Variants in FANCD2OS observed in about 807,000 individuals in gnomAD.
FANCD2OS encodes FANCD2 opposite strand protein.
A neutral mutation model predicts 13.2 loss-of-function variants in FANCD2OS; 11 were observed. The observed-to-expected ratio is 0.83, with a 90% CI of 0.52 to 1.38. The LOEUF (loss-of-function observed/expected upper bound fraction) is 1.38, where lower values mean the gene tolerates loss of function less well. Ranked by LOEUF, FANCD2OS falls within the 40% of genes most tolerant of loss-of-function variation. The probability of loss-of-function intolerance (pLI) is 0.00; values close to 1 mark genes in which losing one functional copy is unlikely to be tolerated. For missense variants in FANCD2OS, 217 were observed against 213.9 expected, an observed-to-expected ratio of 1.01 and a Z score of -0.09; for synonymous variants, 69 against 84.5, an observed-to-expected ratio of 0.82 and a Z score of 1.01.
chr3:10,101,752 C>G (rs1384944911), downstream of FANCD2OS: 1 of 214,884 alleles, frequency 4.7e-6, no homozygotes, highest in Admixed American at 5.2e-5. Context: ...CCATCACAGT[C>G]CCTGGCTCAG....
intron 2 of FANCD2OS, among the ~76,000 whole-genome samples, chr3:10,082,888 A>C (rs1415905057): frequency 1.3e-5 from 2 of 152,146 alleles, no homozygotes; most frequent in Non-Finnish European, 2.9e-5. Flanking sequence ...GTGCCTGACA[A>C]AAACTTTGAA....
downstream of FANCD2OS, chr3:10,101,358 A>G: frequency 3.2e-6 from 2 of 620,654 alleles, no homozygotes; most frequent in South Asian, 3.1e-5. Context: ...TCTTACTGGT[A>G]GGATCCTTTT....
intron 1 of FANCD2OS, among the ~76,000 whole-genome samples, chr3:10,106,361 T>A (rs946550585): frequency 2.0e-5 from 3 of 152,208 alleles, no homozygotes; most frequent in African/African-American, 7.2e-5. Flanking sequence ...AAAATTAGAA[T>A]TTTCCATCAT....
rs756943998 is a variant in FANCD2OS, at chr3:10,104,689, G to C, written c.86C>G (p.Ser29Cys). The change falls in exon 2 of 2, where the codon TCC becomes TGC. Residue 29 changes from serine (S) to cysteine (C), a missense_variant. Transcript: ENST00000450660. ...GGGGGAGGCCTTGAATGGGTGCTTG[G>C]AGGAAGGTGTAGGTGTCGTGTGCCG... is the stretch of plus-strand genomic sequence containing the variant. ...WLRHTTPTPSSKHPFKASPCF... is the reference protein window; with the variant it reads ...WLRHTTPTPSCKHPFKASPCF... The C allele has an allele frequency of 6.2e-7, 1 of 1,614,050 alleles. No individual in the cohort carries two copies. The highest frequency in any genetic ancestry group is 8.5e-7 in the Non-Finnish European group (1 of 1,179,970).
intron 2 of FANCD2OS, chr3:10,092,400 C>G (rs1241741125): frequency 1.4e-6 from 1 of 740,478 alleles, no homozygotes; most frequent in Non-Finnish European, 2.4e-6. Context: ...GTCCCCCTAC[C>G]CATCCTGGAT....
At chr3:10,099,244 C>A (rs1695160147), downstream of FANCD2OS, 2 of 1,319,222 alleles carry the variant, frequency 1.5e-6, no homozygotes, top group South Asian at 3.3e-5. Flanking sequence ...CAGAAGCTGC[C>A]ACCTTAGAGA....
At chr3:10,085,526 G>A (rs1230349763) in intron 2 of FANCD2OS, among the ~76,000 whole-genome samples, 2 of 151,742 alleles carry the variant, frequency 1.3e-5, no homozygotes, top group African/African-American at 4.8e-5. Context: ...GGAGTAGCTG[G>A]GACTACAGGT....
In FANCD2OS at chr3:10,105,768, AAAATTATAT is replaced by A. The variant is rs1559415089; in HGVS notation, c.-8-995_-8-987del. Among the ~76,000 whole-genome samples the A allele has an allele frequency of 4.5e-4, 23 of 51,386 alleles. No individual in the cohort carries two copies. The African/African-American group carries it at 4.8e-3, about 11-fold the overall frequency. The allele number at this position is 51,386 out of a possible 152,430, so 33.7% of individuals were successfully genotyped here. A position where few individuals can be genotyped will look rare whatever the true frequency, so the allele number is the denominator to read the frequency against. On this transcript the variant is annotated intron_variant, in intron 1 of 1. Coordinates refer to ENST00000450660, the MANE Select transcript of FANCD2OS (RefSeq NM_001164839.2). Reference sequence around the variant, plus strand: ...TCCATCTAAAAAAAAAAAAAAAAAAAAAATTATATATATATATATATATATATATATATA... The same window carrying A: ...TCCATCTAAAAAAAAAAAAAAAAAAAATATATATATATATATATATATATA...
chr3:10,092,150 T>G (rs200867320), intron 2 of FANCD2OS: 1 of 1,511,736 alleles, frequency 6.6e-7, no homozygotes, highest in East Asian at 2.3e-5. Flanking sequence ...TGGCTGTGAC[T>G]CAGAGGTGCC....
intron 2 of FANCD2OS, among the ~76,000 whole-genome samples, chr3:10,084,040 C>T (rs1340055693): frequency 6.6e-6 from 1 of 151,490 alleles, no homozygotes; most frequent in Admixed American, 6.6e-5. Context: ...GTCGCTCAGG[C>T]TGGAGTGCAG....
downstream of FANCD2OS, chr3:10,098,983 A>C: frequency 6.2e-7 from 1 of 1,614,120 alleles, no homozygotes; most frequent in South Asian, 1.1e-5. Flanking sequence ...TTTGGGACCC[A>C]GAAGAAACAA....
chr3:10,098,050 C>A (rs1372676302), downstream of FANCD2OS, among the ~76,000 whole-genome samples: 6 of 152,080 alleles, frequency 3.9e-5, no homozygotes, highest in Non-Finnish European at 8.8e-5. Flanking sequence ...TTTGGAGTTA[C>A]AACATTTTTC....
chr3:10,091,435 G>A (rs462262), intron 2 of FANCD2OS, among the ~76,000 whole-genome samples: 9 of 148,254 alleles, frequency 6.1e-5, no homozygotes, highest in South Asian at 2.1e-4. Flanking sequence ...TTGCACCACT[G>A]CACTCCAACC....
At chr3:10,101,477 C>T (rs1695297755), downstream of FANCD2OS, 28 of 512,244 alleles carry the variant, frequency 5.5e-5, no homozygotes, top group South Asian at 5.7e-4. Flanking sequence ...CCTCCATCTC[C>T]TAGGTTCAAG....
At chr3:10,092,168 T>G (rs1415855675) in intron 2 of FANCD2OS, 4 of 1,607,568 alleles carry the variant, frequency 2.5e-6, no homozygotes, top group South Asian at 2.2e-5. Flanking sequence ...GCCCATATAT[T>G]TGGCTGCCCC....
chr3:10,094,392 A>G, intron 2 of FANCD2OS: 3 of 1,580,380 alleles, frequency 1.9e-6, no homozygotes, highest in South Asian at 1.1e-5. Context: ...GAACAAAGAT[A>G]TGCACTGAAG....
exon 3 of FANCD2OS, chr3:10,081,323 C>G (rs763296605): frequency 6.8e-6 from 11 of 1,611,022 alleles, no homozygotes; most frequent in African/African-American, 4.0e-5. Flanking sequence ...AAGCAACTGT[C>G]CTAAAATCAT....
intron 2 of FANCD2OS, among the ~76,000 whole-genome samples, chr3:10,096,159 C>T (rs1304297718): frequency 2.0e-5 from 3 of 152,132 alleles, no homozygotes; most frequent in African/African-American, 2.4e-5. Context: ...TCTTTAGCTG[C>T]CATTCTCTTT....
intron 2 of FANCD2OS, among the ~76,000 whole-genome samples, chr3:10,091,229 C>A (rs1694588837): frequency 6.7e-6 from 1 of 150,160 alleles, no homozygotes; most frequent in Non-Finnish European, 1.5e-5. Flanking sequence ...CACAGGTGCA[C>A]GCCACCATGC....
Sources: allele counts gnomAD v4.1 joint callset (sites outside exome capture counted in the v4.1 genomes callset), GRCh38; gene constraint gnomAD v4.1.1; transcripts MANE v1.5; gene names NCBI Gene and HGNC (gene_info 2026-07-23, HGNC 2026-07-21).